Variants in PPP3CB observed in about 807,000 individuals in gnomAD.
PPP3CB encodes the protein protein phosphatase 3 catalytic subunit beta, also known as serine/threonine-protein phosphatase 2B catalytic subunit beta isoform.
A neutral mutation model predicts 66.4 loss-of-function variants in PPP3CB; 8 were observed. That is an observed-to-expected ratio of 0.12 (90% CI 0.07 to 0.22). PPP3CB has a LOEUF of 0.22. Among genes scored for constraint, PPP3CB ranks in the 10% least tolerant of loss-of-function variants. The pLI, the probability that PPP3CB is intolerant of heterozygous loss-of-function variation, is 1.00. For synonymous variants in PPP3CB, 208 were observed against 221.2 expected, an observed-to-expected ratio of 0.94 and a Z score of 0.53; for missense variants, 319 against 642.5, an observed-to-expected ratio of 0.50 and a Z score of 5.44.
chr10:73,473,999 A>AT lies in PPP3CB; in HGVS notation c.523+919dup, dbSNP rs879278188. ...ACAAAAATCTCCAATGCAAAATAACATTTTTTTCTTTTGGTTTTTATTTTT... is the reference window on the plus strand; with the variant it reads ...ACAAAAATCTCCAATGCAAAATAACATTTTTTTTCTTTTGGTTTTTATTTTT... On this transcript the variant is annotated intron_variant, in intron 4 of 13. Transcript: ENST00000360663. Among the ~76,000 whole-genome samples, 37 of 152,018 alleles carry AT rather than the reference A, an allele frequency of 2.4e-4. No individual in the cohort carries two copies. In the Middle Eastern group the frequency reaches 0.014, roughly 56 times the overall value.
At chr10:73,479,932 C>A (rs1353347421) in intron 1 of PPP3CB, among the ~76,000 whole-genome samples, 1 of 151,964 alleles carries the variant, frequency 6.6e-6, no homozygotes, top group East Asian at 1.9e-4. Context: ...TAGGCTGGGG[C>A]AGGAGGATCA....
intron 1 of PPP3CB, among the ~76,000 whole-genome samples, chr10:73,488,552 TAAAA>T (rs74262587): frequency 9.4e-5 from 8 of 84,736 alleles, no homozygotes; most frequent in Admixed American, 2.6e-4. Flanking sequence ...TCTTGAGGGT[TAAAA>T]AAAAAAAAAA....
At chr10:73,451,588 AGAAG>A (rs140235442) in intron 10 of PPP3CB, among the ~76,000 whole-genome samples, 5,640 of 151,696 alleles carry the variant, frequency 0.037, 352 homozygotes, top group African/African-American at 0.13. Flanking sequence ...AGAGAAAGGA[AGAAG>A]GAAGGAAGGA....
chr10:73,492,689 T>A (rs111860495), intron 1 of PPP3CB, among the ~76,000 whole-genome samples: 4 of 152,212 alleles, frequency 2.6e-5, no homozygotes, highest in African/African-American at 9.6e-5. Context: ...AGGGGAAGAA[T>A]TTGACTTGAG....
At chr10:73,493,603 T>G (rs2057113582) in intron 1 of PPP3CB, among the ~76,000 whole-genome samples, 1 of 152,334 alleles carries the variant, frequency 6.6e-6, no homozygotes, top group South Asian at 2.1e-4. Flanking sequence ...GGAGACTCCA[T>G]GAGCAGTGCA....
At position 73,438,399 on chromosome 10, in the gene PPP3CB, G is replaced by A; in HGVS notation, c.1418C>T (p.Pro473Leu). The change falls in exon 14 of 14, where the codon CCA becomes CTA. Residue 473 changes from proline to leucine, a missense_variant. By Grantham distance (98) the Pro-to-Leu change is moderately conservative (BLOSUM62 -3). Transcript: ENST00000360663. ...AEKAIRGFSPPHRICSFEEAK... is the reference protein window; with the variant it reads ...AEKAIRGFSPLHRICSFEEAK... ...CTCTTCAAAACTGCAGATTCTATGT[G>A]GTGGAGAGAATCCTCGTATTGCTTA... 3.1e-6 allele frequency: 5 copies of A among 1,611,664 alleles called. No homozygotes were observed. Among genetic ancestry groups the A allele is most frequent in the Non-Finnish European group, 4.2e-6 (5 of 1,177,894 alleles).
At chr10:73,472,961 A>C (rs1022938118) in intron 4 of PPP3CB, among the ~76,000 whole-genome samples, 15 of 152,230 alleles carry the variant, frequency 9.9e-5, no homozygotes, top group Non-Finnish European at 2.1e-4. Flanking sequence ...CTAGGCAAAG[A>C]AAAAGAACTT....
intron 1 of PPP3CB, among the ~76,000 whole-genome samples, chr10:73,492,985 A>G (rs1670576060): frequency 6.6e-6 from 1 of 152,128 alleles, no homozygotes; most frequent in Non-Finnish European, 1.5e-5. Flanking sequence ...AAGAAGTTCC[A>G]GGGAGGCAGG....
At chr10:73,475,308 G>A (rs1564563964) in intron 3 of PPP3CB, among the ~76,000 whole-genome samples, 1 of 152,130 alleles carries the variant, frequency 6.6e-6, no homozygotes, top group African/African-American at 2.4e-5. Flanking sequence ...TTTACAGACT[G>A]CCCAATATAA....
At chr10:73,450,920 GATA>G (rs1304865675) in intron 10 of PPP3CB, among the ~76,000 whole-genome samples, 1 of 152,052 alleles carries the variant, frequency 6.6e-6, no homozygotes, top group Admixed American at 6.6e-5. Flanking sequence ...ATGCAAGAAT[GATA>G]ATAACAAGTG....
At chr10:73,467,284 G>GAAAA in intron 9 of PPP3CB, 1 of 140,618 alleles carries the variant, frequency 7.1e-6, no homozygotes. Flanking sequence ...TTAAGCTAAA[G>GAAAA]AAAAAAAAAA....
intron 1 of PPP3CB, among the ~76,000 whole-genome samples, chr10:73,480,858 TTAAG>T (rs1372741006): frequency 6.6e-6 from 1 of 152,234 alleles, no homozygotes. Flanking sequence ...TGTACTGTTT[TTAAG>T]TGATATTTGT....
intron 1 of PPP3CB, among the ~76,000 whole-genome samples, chr10:73,495,090 G>C (rs1228508485): frequency 1.3e-5 from 2 of 152,214 alleles, no homozygotes; most frequent in African/African-American, 4.8e-5. Flanking sequence ...TGTTTGTAAG[G>C]GAGGGGTAAC....
At position 73,470,720 on chromosome 10, in the gene PPP3CB, C is replaced by T; in HGVS notation, c.949G>A (p.Ala317Thr). ...TTGTAGACATCTAAGTAATTAGGTG[C>T]CGAAAAAATTGTTATTAATGAAGGG... is the stretch of plus-strand genomic sequence containing the variant. The part of the protein sequence containing the change: ...GFPSLITIFS[A>T]PNYLDVYNNK... The change falls in exon 8 of 14, where the codon GCA becomes ACA. Residue 317 changes from alanine (A) to threonine (T), a missense_variant. By Grantham distance (58) the Ala-to-Thr change is moderately conservative. Around this residue, in one of 5 missense-constraint regions of PPP3CB, gnomAD observed 120 missense variants for 331.2 expected, o/e 0.36. Coordinates refer to ENST00000360663, the MANE Select transcript of PPP3CB (RefSeq NM_021132.4). 6.3e-7 allele frequency: 1 copy of T among 1,598,782 alleles called. No individual in the cohort carries two copies. The highest frequency in any genetic ancestry group is 8.5e-7 in the Non-Finnish European group (1 of 1,170,398).
intron 11 of PPP3CB, 112 bp from the exon 12 acceptor site, chr10:73,444,934 A>G: frequency 9.4e-7 from 1 of 1,066,146 alleles, no homozygotes; most frequent in Non-Finnish European, 1.3e-6. Flanking sequence ...ATTCATTGCT[A>G]TTACCATATT....
intron 1 of PPP3CB, 22 bp downstream of exon 1, chr10:73,495,783 C>T (rs1296739958): frequency 7.7e-6 from 12 of 1,566,828 alleles, no homozygotes; most frequent in South Asian, 1.1e-5. Context: ...GCCAGGCCCC[C>T]AGGGTTTCGT....
chr10:73,462,559 A>ATT lies in PPP3CB; in HGVS notation c.1108+4992_1108+4993dup, dbSNP rs528733557. ...ATGGCTGGATTTGACTAGACCTAAG[A>ATT]TTTATAGGACAAATGAAGTAGAAAA... is the stretch of plus-strand genomic sequence containing the variant. On this transcript the variant is annotated intron_variant, in intron 9 of 13. Transcript: ENST00000360663. 4.9e-4 allele frequency among the ~76,000 whole-genome samples: 74 copies of ATT among 152,184 alleles called. No homozygotes were observed. In the East Asian group the frequency reaches 0.012, roughly 25 times the overall value.
At chr10:73,442,652 A>G (rs764091648) in intron 12 of PPP3CB, among the ~76,000 whole-genome samples, 7 of 151,932 alleles carry the variant, frequency 4.6e-5, no homozygotes, top group Non-Finnish European at 1.0e-4. Flanking sequence ...TCATTTTTCT[A>G]ATGTTTACAA....
intron 10 of PPP3CB, among the ~76,000 whole-genome samples, chr10:73,450,439 G>T (rs1209668477): frequency 1.3e-5 from 2 of 152,180 alleles, no homozygotes; most frequent in Admixed American, 1.3e-4. Context: ...TTAAACCTTA[G>T]TATCTATCCG....
Sources: allele counts gnomAD v4.1 joint callset (sites outside exome capture counted in the v4.1 genomes callset), GRCh38; gene constraint gnomAD v4.1.1; regional missense constraint gnomAD v4.1.1; transcripts MANE v1.5; gene names NCBI Gene and HGNC (gene_info 2026-07-23, HGNC 2026-07-21).